HRH1: variants seen among roughly 807,000 people sequenced by gnomAD.
The protein encoded by HRH1 is histamine H1 receptor.
HRH1 carries 6 observed loss-of-function variants against 10.3 expected under a neutral mutation model. The ratio of observed to expected loss-of-function variants is 0.58; its 90% CI spans 0.32 to 1.15. The LOEUF is 1.15. HRH1 is among the 50% of genes most tolerant of loss of function. The pLI is 0.05. For synonymous variants in HRH1, 242 were observed against 236.7 expected (o/e 1.02, Z -0.21); for missense variants, 514 against 615.3 (o/e 0.84, Z 1.74).
intron 1 of HRH1, among the ~76,000 whole-genome samples, chr3:11,171,020 CTT>C (rs923913443): frequency 7.2e-5 from 11 of 151,974 alleles, no homozygotes; most frequent in African/African-American, 1.5e-4. Flanking sequence ...CCCTCCCTGT[CTT>C]TTTCTAACCT....
intron 1 of HRH1, among the ~76,000 whole-genome samples, chr3:11,198,027 T>A (rs1937734779): frequency 6.6e-6 from 1 of 152,162 alleles, no homozygotes; most frequent in Non-Finnish European, 1.5e-5. Context: ...AGCTGAAGCC[T>A]CAGTTGCCTG....
intron 1 of HRH1, among the ~76,000 whole-genome samples, chr3:11,254,853 A>G (rs983900678): frequency 6.6e-6 from 1 of 152,254 alleles, no homozygotes; most frequent in African/African-American, 2.4e-5. Flanking sequence ...CACACCAAGC[A>G]GGGTAGGGCA....
intron 1 of HRH1, among the ~76,000 whole-genome samples, chr3:11,233,986 TAA>T (rs1479069754): frequency 1.3e-5 from 2 of 152,176 alleles, no homozygotes; most frequent in Non-Finnish European, 2.9e-5. Context: ...GCACATGATT[TAA>T]AAGTGGCAAA....
At chr3:11,215,839 C>T (rs1938474344) in intron 1 of HRH1, among the ~76,000 whole-genome samples, 1 of 152,194 alleles carries the variant, frequency 6.6e-6, no homozygotes, top group South Asian at 2.1e-4. Context: ...CCTACTAATA[C>T]ACAGTTGTCT....
intron 1 of HRH1, among the ~76,000 whole-genome samples, chr3:11,209,290 C>G (rs1404739410): frequency 6.6e-6 from 1 of 152,170 alleles, no homozygotes; most frequent in Non-Finnish European, 1.5e-5. Flanking sequence ...TAGGTTCTTG[C>G]TCTATTGCCC....
chr3:11,203,586 G>T (rs1164280778), intron 1 of HRH1, among the ~76,000 whole-genome samples: 8 of 152,196 alleles, frequency 5.3e-5, no homozygotes, highest in Non-Finnish European at 1.2e-4. Flanking sequence ...ATGTCCAGTT[G>T]TTCCAGCACC....
At chr3:11,234,600 T>C (rs1425133957) in intron 1 of HRH1, 2 of 1,437,548 alleles carry the variant, frequency 1.4e-6, no homozygotes, top group African/African-American at 1.4e-5. Flanking sequence ...CAGCCACCAA[T>C]TCTGCATTGC....
chr3:11,251,812 G>A (rs991033815), intron 1 of HRH1, among the ~76,000 whole-genome samples: 3 of 152,200 alleles, frequency 2.0e-5, no homozygotes, highest in African/African-American at 7.2e-5. Context: ...TTCTGGTGAG[G>A]TGTGCTCACA....
At chr3:11,253,753 G>A (rs188538565) in intron 1 of HRH1, among the ~76,000 whole-genome samples, 2 of 152,284 alleles carry the variant, frequency 1.3e-5, no homozygotes, top group East Asian at 1.9e-4. Flanking sequence ...GGATGTTCAC[G>A]TTCCCGAATG....
intron 1 of HRH1, among the ~76,000 whole-genome samples, chr3:11,175,002 C>G (rs1208434037): frequency 3.3e-5 from 5 of 152,164 alleles, no homozygotes; most frequent in African/African-American, 1.2e-4. Context: ...TTTCATGGTT[C>G]ATGTGGACTA....
At chr3:11,215,727 C>A (rs1344822685) in intron 1 of HRH1, among the ~76,000 whole-genome samples, 1 of 152,214 alleles carries the variant, frequency 6.6e-6, no homozygotes, top group Non-Finnish European at 1.5e-5. Context: ...AGGCGTGAGC[C>A]ACCGCGCCCA....
intron 1 of HRH1, among the ~76,000 whole-genome samples, chr3:11,245,022 G>T (rs1259256314): frequency 3.3e-5 from 5 of 152,178 alleles, no homozygotes; most frequent in Admixed American, 3.3e-4. Context: ...GAAGAGTCAT[G>T]CAGCCCAAAT....
intron 1 of HRH1, among the ~76,000 whole-genome samples, chr3:11,140,782 G>A (rs1416095818): frequency 6.6e-6 from 1 of 152,072 alleles, no homozygotes; most frequent in Non-Finnish European, 1.5e-5. Flanking sequence ...AAGTGTACAG[G>A]GCCACGCTTA....
chr3:11,210,782 G>C (rs1431373463), intron 1 of HRH1, among the ~76,000 whole-genome samples: 1 of 140,118 alleles, frequency 7.1e-6, no homozygotes, highest in Non-Finnish European at 1.5e-5. Flanking sequence ...AACAGAGCAA[G>C]ATCCTGTCTC....
chr3:11,146,338 C>G (rs1182091292), intron 1 of HRH1, among the ~76,000 whole-genome samples: 1 of 152,170 alleles, frequency 6.6e-6, no homozygotes, highest in African/African-American at 2.4e-5. Flanking sequence ...CTGTTTTAGG[C>G]TATTGTCTTG....
chr3:11,202,230 C>G (rs563140460), intron 1 of HRH1, among the ~76,000 whole-genome samples: 1 of 152,090 alleles, frequency 6.6e-6, no homozygotes, highest in South Asian at 2.1e-4. Flanking sequence ...ATGGCGAAAC[C>G]CTGTCTCTAC....
intron 1 of HRH1, among the ~76,000 whole-genome samples, chr3:11,166,007 G>C (rs866354602): frequency 3.9e-5 from 6 of 152,242 alleles, no homozygotes; most frequent in African/African-American, 2.4e-5. Context: ...TGTGAGGTCA[G>C]GACTATGGTG....
chr3:11,243,601 CT>C (rs967709502), intron 1 of HRH1, among the ~76,000 whole-genome samples: 77 of 152,346 alleles, frequency 5.1e-4, no homozygotes, highest in African/African-American at 1.9e-3. Context: ...CCAGCGTGTG[CT>C]TCCAGACTCA....
chr3:11,236,922 G>A (rs372066350), intron 1 of HRH1, among the ~76,000 whole-genome samples: 14 of 152,278 alleles, frequency 9.2e-5, no homozygotes, highest in South Asian at 8.3e-4. Flanking sequence ...TATAAATGCC[G>A]CATCTGCCTC....
Sources: gnomAD v4.1 joint callset for allele counts (sites outside exome capture counted in the v4.1 genomes callset) on GRCh38, gnomAD v4.1.1 for gene constraint, MANE v1.5 for transcripts, NCBI Gene and HGNC (gene_info 2026-07-23, HGNC 2026-07-21) for gene names.